The following UNC79 variants were observed in gnomAD, a reference collection of about 807,000 sequenced individuals.
UNC79 encodes the protein unc-79 subunit of NALCN channel complex.
Under a neutral mutation model 283.1 loss-of-function variants are expected in UNC79, and 37 were observed. The observed-to-expected ratio is 0.13, with a 90% CI of 0.10 to 0.17. The LOEUF is 0.17. Among genes scored for constraint, UNC79 ranks in the 10% least tolerant of loss-of-function variants. UNC79 has a pLI of 1.00. For synonymous variants in UNC79, 1,107 were observed against 1,200.2 expected (o/e 0.92, Z 1.61); for missense variants, 2,272 against 3,211.1 (o/e 0.71, Z 7.07).
chr14:93,493,891 A>ATTT (rs1566998219), intron 5 of UNC79, among the ~76,000 whole-genome samples: 4 of 64,202 alleles, frequency 6.2e-5, no homozygotes, highest in African/African-American at 1.1e-4. Flanking sequence ...ATATATATAT[A>ATTT]TATATATATA....
chr14:93,702,605 G>C (rs569660352), intron 47 of UNC79, among the ~76,000 whole-genome samples: 5 of 152,312 alleles, frequency 3.3e-5, no homozygotes, highest in African/African-American at 1.2e-4. Flanking sequence ...GAAACCAGCA[G>C]CTTATGGCTA....
exon 24 of UNC79, chr14:93,597,372 T>G: frequency 6.2e-7 from 1 of 1,614,018 alleles, no homozygotes; most frequent in Non-Finnish European, 8.5e-7. Context: ...AAAAAGTTGC[T>G]GTAATTTGTA....
At chr14:93,651,781 C>T (rs1407071289) in intron 35 of UNC79, among the ~76,000 whole-genome samples, 1 of 151,836 alleles carries the variant, frequency 6.6e-6, no homozygotes, top group East Asian at 1.9e-4. Context: ...CTCTTGTTGC[C>T]CAGGCTGGAA....
At chr14:93,384,825 TA>T in intron 1 of UNC79, among the ~76,000 whole-genome samples, 1 of 152,320 alleles carries the variant, frequency 6.6e-6, no homozygotes, top group South Asian at 2.1e-4. Context: ...GTCTTAGATT[TA>T]AGTCCTGAGT....
intron 47 of UNC79, among the ~76,000 whole-genome samples, chr14:93,698,020 A>G (rs1413831145): frequency 6.6e-6 from 1 of 152,186 alleles, no homozygotes; most frequent in Non-Finnish European, 1.5e-5. Context: ...ATATTGTTTT[A>G]CTTCCAAATA....
At chr14:93,535,583 A>C (rs926853068) in intron 11 of UNC79, among the ~76,000 whole-genome samples, 4 of 152,134 alleles carry the variant, frequency 2.6e-5, no homozygotes, top group African/African-American at 9.7e-5. Context: ...TTCATCTGGG[A>C]AGACTTGAAT....
chr14:93,666,166 A>G (rs2072180021), intron 40 of UNC79, among the ~76,000 whole-genome samples: 1 of 152,108 alleles, frequency 6.6e-6, no homozygotes, highest in Non-Finnish European at 1.5e-5. Flanking sequence ...AACTCTTAAG[A>G]ATACAGGTAG....
intron 1 of UNC79, among the ~76,000 whole-genome samples, chr14:93,353,330 A>G (rs1434594652): frequency 1.3e-5 from 2 of 151,914 alleles, no homozygotes; most frequent in East Asian, 1.9e-4. Flanking sequence ...TGACTTCCCA[A>G]AGCTTTGGAT....
At chr14:93,502,441 A>G (rs2059341959) in intron 7 of UNC79, among the ~76,000 whole-genome samples, 1 of 152,154 alleles carries the variant, frequency 6.6e-6, no homozygotes, top group South Asian at 2.1e-4. Flanking sequence ...TTGATGTCTC[A>G]TATTTTTATG....
At chr14:93,663,578 A>C (rs1326224834) in intron 40 of UNC79, among the ~76,000 whole-genome samples, 1 of 152,066 alleles carries the variant, frequency 6.6e-6, no homozygotes, top group African/African-American at 2.4e-5. Flanking sequence ...ATTCTATTTA[A>C]AGCATTCTTG....
At chr14:93,395,413 A>G (rs2054974159) in intron 1 of UNC79, among the ~76,000 whole-genome samples, 1 of 152,220 alleles carries the variant, frequency 6.6e-6, no homozygotes, top group Non-Finnish European at 1.5e-5. Flanking sequence ...AGTCATGACA[A>G]AAGGCAAAAG....
At chr14:93,350,537 C>T (rs1019613408) in intron 1 of UNC79, among the ~76,000 whole-genome samples, 2 of 152,054 alleles carry the variant, frequency 1.3e-5, no homozygotes, top group Admixed American at 6.5e-5. Flanking sequence ...ATAAAAGGAA[C>T]GTTGTAAGTA....
chr14:93,404,331 A>AT (rs1248473235), intron 1 of UNC79, among the ~76,000 whole-genome samples: 4 of 148,170 alleles, frequency 2.7e-5, no homozygotes, highest in South Asian at 2.1e-4. Context: ...CAAAAATAAA[A>AT]AAAAAAAAAT....
chr14:93,475,006 T>C (rs1337167846), intron 3 of UNC79, among the ~76,000 whole-genome samples: 1 of 152,228 alleles, frequency 6.6e-6, no homozygotes, highest in East Asian at 1.9e-4. Context: ...TATGTGCTAT[T>C]TGCAGTATGT....
chr14:93,548,821 A>G (rs1342734833), intron 14 of UNC79, among the ~76,000 whole-genome samples: 1 of 152,242 alleles, frequency 6.6e-6, no homozygotes, highest in Admixed American at 6.5e-5. Context: ...CATCCTGATT[A>G]TGTCTAGTAG....
At position 93,389,119 on chromosome 14, in the gene UNC79, T is replaced by A. The variant is rs893356678; in HGVS notation, c.-351+55596T>A. Among the ~76,000 whole-genome samples the A allele has an allele frequency of 4.6e-5, 7 of 152,172 alleles. No individual in the cohort carries two copies. In the East Asian group the frequency reaches 1.3e-3, roughly 29 times the overall value. On this transcript the variant is annotated intron_variant, in intron 1 of 49. Transcript: ENST00000256339. Reference sequence around the variant, plus strand: ...TCCTGGTCATGGAGGATGGGGACACTGATTAACAGTGACATTTAGACAACA... The same window carrying A: ...TCCTGGTCATGGAGGATGGGGACACAGATTAACAGTGACATTTAGACAACA...
At chr14:93,516,373 T>G (rs2060053254) in intron 7 of UNC79, among the ~76,000 whole-genome samples, 1 of 151,212 alleles carries the variant, frequency 6.6e-6, no homozygotes, top group East Asian at 1.9e-4. Flanking sequence ...TGGGCTATTT[T>G]AGTACCTTTG....
intron 27 of UNC79, 139 bp downstream of exon 28, chr14:93,613,222 G>C (rs1333771371): frequency 8.8e-7 from 1 of 1,134,116 alleles, no homozygotes; most frequent in Non-Finnish European, 1.2e-6. Context: ...TATGTGGAGG[G>C]GAATGTGAAC....
intron 1 of UNC79, among the ~76,000 whole-genome samples, chr14:93,407,420 C>T (rs1231175407): frequency 6.6e-6 from 1 of 152,182 alleles, no homozygotes; most frequent in Non-Finnish European, 1.5e-5. Context: ...GACATAAAAA[C>T]TCTTGAGGGC....
Sources: allele counts gnomAD v4.1 joint callset (sites outside exome capture counted in the v4.1 genomes callset), GRCh38; gene constraint gnomAD v4.1.1; transcripts MANE v1.5; gene names NCBI Gene and HGNC (gene_info 2026-07-23, HGNC 2026-07-21).